CSMD3: variants seen among roughly 807,000 people sequenced by gnomAD.
CSMD3 encodes the protein CUB and sushi domain-containing protein 3.
CSMD3 carries 177 observed loss-of-function variants against 435.2 expected under a neutral mutation model. That is an observed-to-expected ratio of 0.41 (90% CI 0.36 to 0.46). The LOEUF is 0.46. Among genes scored for constraint, CSMD3 ranks in the 20% least tolerant of loss-of-function variants. The pLI, the probability that CSMD3 is intolerant of heterozygous loss-of-function variation, is 0.34. For missense variants in CSMD3, 4,265 were observed against 4,504.6 expected (o/e 0.95, Z 1.52); for synonymous variants, 1,656 against 1,520.5 (o/e 1.09, Z -2.07).
chr8:112,278,507 G>A (rs1471974639), intron 59 of CSMD3, among the ~76,000 whole-genome samples: 2 of 152,108 alleles, frequency 1.3e-5, no homozygotes, highest in Non-Finnish European at 2.9e-5. Flanking sequence ...CTCAAATTTA[G>A]TGCAAGCCAT....
chr8:113,076,206 T>C (rs994945589), intron 5 of CSMD3, among the ~76,000 whole-genome samples: 1 of 151,096 alleles, frequency 6.6e-6, no homozygotes, highest in East Asian at 1.9e-4. Context: ...ACTAGATAGA[T>C]AGCAAAGTAT....
chr8:113,274,668 A>G (rs908377208), intron 3 of CSMD3, among the ~76,000 whole-genome samples: 5 of 152,112 alleles, frequency 3.3e-5, no homozygotes, highest in Non-Finnish European at 5.9e-5. Flanking sequence ...TCAATACGCT[A>G]AATTGTCTTG....
intron 22 of CSMD3, among the ~76,000 whole-genome samples, chr8:112,594,587 G>A (rs919930195): frequency 1.3e-5 from 2 of 152,198 alleles, no homozygotes; most frequent in African/African-American, 4.8e-5. Context: ...AAAGACAGCA[G>A]TAACCTCTGC....
At chr8:112,569,947 A>G (rs1279386627) in intron 24 of CSMD3, among the ~76,000 whole-genome samples, 2 of 152,106 alleles carry the variant, frequency 1.3e-5, no homozygotes, top group African/African-American at 2.4e-5. Flanking sequence ...GATTCTGTCA[A>G]TGTGAGTACT....
chr8:112,740,354 C>T (rs1278230424), intron 13 of CSMD3, among the ~76,000 whole-genome samples: 1 of 145,352 alleles, frequency 6.9e-6, no homozygotes, highest in Non-Finnish European at 1.5e-5. Flanking sequence ...TAATATAAAG[C>T]TTTGATCTTT....
At chr8:112,562,198 C>T (rs1586687920) in intron 24 of CSMD3, among the ~76,000 whole-genome samples, 1 of 151,656 alleles carries the variant, frequency 6.6e-6, no homozygotes, top group Non-Finnish European at 1.5e-5. Context: ...AACATAATTT[C>T]TCTCAATTTG....
Position 112,287,045 on chromosome 8 carries a change from A to C in CSMD3, c.9331+19T>G. Reference sequence around the variant, plus strand: ...AAAATCCAGTAGTTGCAATATATTTAATTTCTGCTTGAGATTACCTTTGCA... The same window carrying C: ...AAAATCCAGTAGTTGCAATATATTTCATTTCTGCTTGAGATTACCTTTGCA... On this transcript the variant is annotated intron_variant, in intron 58 of 70. Coordinates refer to ENST00000297405, the MANE Select transcript of CSMD3 (RefSeq NM_198123.2). 3 of 1,601,270 alleles carry C rather than the reference A, an allele frequency of 1.9e-6. No individual in the cohort carries two copies. Among genetic ancestry groups the C allele is most frequent in the Non-Finnish European group, 2.6e-6 (3 of 1,168,568 alleles).
At chr8:112,420,295 GTAC>G (rs1242465170) in intron 32 of CSMD3, among the ~76,000 whole-genome samples, 1 of 152,048 alleles carries the variant, frequency 6.6e-6, no homozygotes, top group African/African-American at 2.4e-5. Context: ...CCAACCTGGA[GTAC>G]TTTTAAGCAA....
At chr8:113,388,003 A>T (rs749039969) in intron 1 of CSMD3, among the ~76,000 whole-genome samples, 26 of 151,702 alleles carry the variant, frequency 1.7e-4, no homozygotes, top group Admixed American at 2.6e-4. Context: ...TGGCATATTC[A>T]TCTAGTCCTG....
Position 112,361,759 on chromosome 8 carries a change from C to T in CSMD3, c.6137-9225G>A, listed in dbSNP as rs1827263995. On this transcript the variant is annotated intron_variant, in intron 38 of 70. Coordinates refer to ENST00000297405, the MANE Select transcript of CSMD3 (RefSeq NM_198123.2). The stretch of plus-strand genomic sequence containing the variant: ...AGGAAAAACTCATTCATAAATTTGA[C>T]ATGACAACCTATGTATCTATTTATT... Among the ~76,000 whole-genome samples the T allele has an allele frequency of 2.0e-5, 3 of 151,204 alleles. No individual in the cohort carries two copies. The South Asian group carries it at 6.3e-4, about 32-fold the overall frequency.
intron 2 of CSMD3, among the ~76,000 whole-genome samples, chr8:113,291,388 TGGG>T (rs1168029437): frequency 6.6e-6 from 1 of 151,856 alleles, no homozygotes; most frequent in East Asian, 1.9e-4. Context: ...AGGACTTCAT[TGGG>T]GGAATTAAAA....
intron 59 of CSMD3, among the ~76,000 whole-genome samples, chr8:112,275,970 A>G (rs1032829592): frequency 6.6e-5 from 10 of 152,172 alleles, no homozygotes; most frequent in African/African-American, 2.4e-4. Flanking sequence ...ATTAACTCAA[A>G]AGTCCATAGT....
chr8:112,961,306 A>G (rs909400798), intron 7 of CSMD3, among the ~76,000 whole-genome samples: 8 of 151,816 alleles, frequency 5.3e-5, no homozygotes, highest in African/African-American at 1.9e-4. Context: ...TCTAACTTAA[A>G]TTTTACTTTT....
intron 24 of CSMD3, among the ~76,000 whole-genome samples, chr8:112,571,070 C>T (rs1314945973): frequency 1.3e-5 from 2 of 152,172 alleles, no homozygotes; most frequent in South Asian, 4.2e-4. Flanking sequence ...TGCAATGGCG[C>T]AATCTTGGCT....
intron 16 of CSMD3, among the ~76,000 whole-genome samples, chr8:112,680,008 T>C (rs528447181): frequency 7.2e-5 from 11 of 152,280 alleles, no homozygotes; most frequent in South Asian, 2.1e-4. Context: ...ACTGGCTCTA[T>C]TCCTTTTGCC....
At chr8:112,973,024 A>C (rs1387236299) in intron 7 of CSMD3, among the ~76,000 whole-genome samples, 1 of 151,964 alleles carries the variant, frequency 6.6e-6, no homozygotes, top group African/African-American at 2.4e-5. Flanking sequence ...GTGTTTGGCT[A>C]ATTAAAATAA....
chr8:112,464,506 T>G (rs1398264332), intron 32 of CSMD3, among the ~76,000 whole-genome samples: 2 of 152,066 alleles, frequency 1.3e-5, no homozygotes, highest in African/African-American at 4.8e-5. Context: ...TTAATATAAG[T>G]AGGGTAAGGA....
chr8:112,736,152 C>T (rs2077181359), intron 13 of CSMD3, among the ~76,000 whole-genome samples: 1 of 151,988 alleles, frequency 6.6e-6, no homozygotes, highest in South Asian at 2.1e-4. Flanking sequence ...TTCACTGTTG[C>T]TTTTTGATTA....
chr8:112,732,042 G>T (rs762843411), intron 13 of CSMD3, among the ~76,000 whole-genome samples: 1 of 151,930 alleles, frequency 6.6e-6, no homozygotes, highest in Non-Finnish European at 1.5e-5. Flanking sequence ...TAATTTAAAA[G>T]GCATTGTGTG....
Sources: allele counts gnomAD v4.1 joint callset (sites outside exome capture counted in the v4.1 genomes callset), GRCh38; gene constraint gnomAD v4.1.1; transcripts MANE v1.5; gene names NCBI Gene and HGNC (gene_info 2026-07-23, HGNC 2026-07-21).